The following CEP290 variants were observed in gnomAD, a reference collection of about 807,000 sequenced individuals.
CEP290 encodes the protein centrosomal protein 290.
A neutral mutation model predicts 344.9 loss-of-function variants in CEP290; 317 were observed. That is an observed-to-expected ratio of 0.92 (90% CI 0.84 to 1.01). CEP290 has a LOEUF of 1.01. CEP290 is among the 50% of genes least tolerant of loss of function. The pLI, the probability that CEP290 is intolerant of heterozygous loss-of-function variation, is 0.00. For synonymous variants in CEP290, 932 were observed against 895.8 expected, an observed-to-expected ratio of 1.04 and a Z score of -0.72; for missense variants, 2,754 against 2,761.4, an observed-to-expected ratio of 1.00 and a Z score of 0.06.
chr12:88,112,771 C>T lies in CEP290; in HGVS notation c.2053-913G>A, dbSNP rs529217109. 2.0e-5 allele frequency among the ~76,000 whole-genome samples: 3 copies of T among 152,122 alleles called. No individual in the cohort carries two copies. In the East Asian group the frequency reaches 5.8e-4, roughly 29 times the overall value. ...AGCCTTCCCCTGAAGGAGATTAGAG[C>T]AGGTCATGCAGAGTAATAACTTATA... On this transcript the variant is annotated intron_variant, in intron 20 of 53. Coordinates refer to ENST00000552810, the MANE Select transcript of CEP290 (RefSeq NM_025114.4).
chr12:88,062,913 A>G (rs2136788310), intron 45 of CEP290, 135 bp from the exon 46 acceptor site: 1 of 589,144 alleles, frequency 1.7e-6, no homozygotes, highest in Middle Eastern at 4.1e-4. Context: ...CTATATTAAC[A>G]AGGAAGATTT....
intron 26 of CEP290, among the ~76,000 whole-genome samples, chr12:88,099,391 TA>T (rs1192246528): frequency 6.6e-6 from 1 of 152,188 alleles, no homozygotes; most frequent in Non-Finnish European, 1.5e-5. Flanking sequence ...GGTAATTCTG[TA>T]CAACAGAATA....
rs962511491 is a variant in CEP290 at position 88,061,478 on chromosome 12, T to C, written c.6358-484A>G. 1.4e-4 allele frequency among the ~76,000 whole-genome samples: 21 copies of C among 152,320 alleles called. 1 individual carries two copies. The highest frequency in any genetic ancestry group is 1.4e-3 in the Admixed American group (21 of 15,292). On this transcript the variant is annotated intron_variant, in intron 46 of 53. Coordinates refer to ENST00000552810, the MANE Select transcript of CEP290 (RefSeq NM_025114.4). Reference sequence around the variant, plus strand: ...CTGTTTAATATAAATAGAAGAGTTATCTGAAATAAAAAACCTTGCATAAAT... The same window carrying C: ...CTGTTTAATATAAATAGAAGAGTTACCTGAAATAAAAAACCTTGCATAAAT...
Position 88,125,305 on chromosome 12 carries a change from T to C in CEP290, c.1130A>G (p.Glu377Gly). The stretch of plus-strand genomic sequence containing the variant: ...AATAATACAAGTATTCTTTTCCATT[T>C]CTTTTGTATATTGTTCTACTTGTTC... ...LTEQVEQYTKEMEKNTCIIED... is the reference protein window; with the variant it reads ...LTEQVEQYTKGMEKNTCIIED... The change falls in exon 13 of 54, where the codon GAA becomes GGA. Residue 377 changes from glutamate (E) to glycine (G), a missense_variant. Physicochemically the swap from Glu to Gly is moderately conservative, Grantham distance 98. Transcript: ENST00000552810. 8.2e-7 allele frequency: 1 copy of C among 1,220,706 alleles called. No homozygotes were observed. Among genetic ancestry groups the C allele is most frequent in the Non-Finnish European group, 1.1e-6 (1 of 916,748 alleles). 75.6% of individuals were successfully genotyped at this position (1,220,706 alleles called of 1,614,324 possible). A position where few individuals can be genotyped will look rare whatever the true frequency, so the allele number is the denominator to read the frequency against.
intron 29 of CEP290, among the ~76,000 whole-genome samples, chr12:88,092,418 G>A (rs888798063): frequency 6.6e-6 from 1 of 151,992 alleles, no homozygotes; most frequent in Non-Finnish European, 1.5e-5. Flanking sequence ...ATATGTGGAG[G>A]AACTGGACCT....
rs1298349449 is a variant in CEP290, at chr12:88,086,625, T to C, written c.4195-127A>G. On this transcript the variant is annotated intron_variant, in intron 32 of 53. Coordinates refer to ENST00000552810, the MANE Select transcript of CEP290 (RefSeq NM_025114.4). The stretch of plus-strand genomic sequence containing the variant: ...AGAAACTGTAATTATTTTCCTTTTA[T>C]GGAAAAAAATACAAACTCAGAGAGG... The C allele has an allele frequency of 1.6e-5, 10 of 630,422 alleles. No individual in the cohort carries two copies. In the East Asian group the frequency reaches 3.0e-4, roughly 19 times the overall value. 39.1% of individuals were successfully genotyped at this position (630,422 alleles called of 1,614,324 possible).
At chr12:88,137,172 T>A (rs2040396968) in intron 5 of CEP290, among the ~76,000 whole-genome samples, 1 of 152,104 alleles carries the variant, frequency 6.6e-6, no homozygotes, top group Non-Finnish European at 1.5e-5. Flanking sequence ...GCCCTTTCTC[T>A]CATACCATGC....
At position 88,120,171 on chromosome 12, in the gene CEP290, G is replaced by T. The variant is rs1231028240; in HGVS notation, c.1465C>A (p.Leu489Ile). Residue 489 changes from leucine to isoleucine, a missense_variant, in exon 15 of 54, where the codon CTT becomes ATT. Leu to Ile is a conservative substitution (Grantham distance 5). Transcript: ENST00000552810. ...IEILTKEINK[L>I]ELKISDFLDE... ...AGGAAATCACTGATCTTCAATTCAA[G>T]TTTATTGATTTCCTTTGTTAATATT... is the stretch of plus-strand genomic sequence containing the variant. The T allele has an allele frequency of 3.9e-6, 6 of 1,534,936 alleles. No homozygotes were observed. The highest frequency in any genetic ancestry group is 5.3e-6 in the Non-Finnish European group (6 of 1,138,318).
At position 88,054,414 on chromosome 12, in the gene CEP290, C is replaced by A. The variant is rs2136637204; in HGVS notation, c.6961-1G>T. 1 of 1,606,326 alleles carries A rather than the reference C, an allele frequency of 6.2e-7. No individual in the cohort carries two copies. The highest frequency in any genetic ancestry group is 1.1e-5 in the South Asian group (1 of 90,038). ...CAGGAACATGTTTAAGAATCTTAAT[C>A]TTTGAGGACAATGAAAAGTTAGAAG... On this transcript the variant is annotated splice_acceptor_variant, in intron 50 of 53. Coordinates refer to ENST00000552810, the MANE Select transcript of CEP290 (RefSeq NM_025114.4). LOFTEE classifies it high-confidence loss of function.
Position 88,072,064 on chromosome 12 carries a change from T to C in CEP290, c.5710-138A>G, listed in dbSNP as rs1302955118. 6 of 833,252 alleles carry C rather than the reference T, an allele frequency of 7.2e-6. No homozygotes were observed. The East Asian group carries it at 1.2e-4, about 17-fold the overall frequency. The allele number at this position is 833,252 out of a possible 1,614,324, so 51.6% of individuals were successfully genotyped here. ...ATATGTAAATATGTTCATTTTGCTA[T>C]ACAGGTTGAGTATCCCTTACGAAAC... is the stretch of plus-strand genomic sequence containing the variant. On this transcript the variant is annotated intron_variant, in intron 41 of 53. Transcript: ENST00000552810.
At chr12:88,123,710 A>G (rs1351928799) in intron 13 of CEP290, among the ~76,000 whole-genome samples, 1 of 152,092 alleles carries the variant, frequency 6.6e-6, no homozygotes, top group Non-Finnish European at 1.5e-5. Context: ...TTACTTTTAC[A>G]GAGACAGTTA....
At chr12:88,091,508 C>T (rs2137317786) in intron 29 of CEP290, among the ~76,000 whole-genome samples, 1 of 151,598 alleles carries the variant, frequency 6.6e-6, no homozygotes, top group South Asian at 2.1e-4. Context: ...AGTTTCTTTG[C>T]TTTGGGTTAG....
chr12:88,084,784 G>A lies in CEP290; in HGVS notation c.4506C>T (p.Ile1502=), dbSNP rs1592837830. The A allele has an allele frequency of 3.1e-6, 5 of 1,612,964 alleles. No individual in the cohort carries two copies. Among genetic ancestry groups the A allele is most frequent in the Non-Finnish European group, 4.2e-6 (5 of 1,179,472 alleles). Residue 1502 remains isoleucine, a synonymous_variant, in exon 35 of 54, where the codon ATC becomes ATT. Coordinates refer to ENST00000552810, the MANE Select transcript of CEP290 (RefSeq NM_025114.4). ...EQNILSRDKV[I]NELRLRLPAT... ...CAGGCAATCGAAGCCTCAGTTCATT[G>A]ATTACTTTGTCTCTTGACAGTATAT...
chr12:88,127,188 C>T (rs1374568087), intron 11 of CEP290, among the ~76,000 whole-genome samples: 2 of 34,202 alleles, frequency 5.8e-5, no homozygotes, highest in East Asian at 1.4e-3. Context: ...TTATATGTTT[C>T]GAAGATTTAA....
At position 88,089,237 on chromosome 12, in the gene CEP290, C is replaced by A. The variant is rs1182033105; in HGVS notation, c.3824G>T (p.Ser1275Ile). The change falls in exon 31 of 54, where the codon AGT (serine) becomes ATT (isoleucine). Residue 1275 changes from serine (S) to isoleucine (I), a missense_variant. Physicochemically the swap from Ser to Ile is moderately radical, Grantham distance 142 (BLOSUM62 -2). Transcript: ENST00000552810. Reference sequence around the variant, plus strand: ...CTGTTGTGCCAAGGGTAAAGCTCCACTAAACTGTCGTCGTAGAGACTGAAT... The same window carrying A: ...CTGTTGTGCCAAGGGTAAAGCTCCAATAAACTGTCGTCGTAGAGACTGAAT... ...QTIQSLRRQF[S>I]GALPLAQQEK... 1 of 1,613,886 alleles carries A rather than the reference C, an allele frequency of 6.2e-7. No homozygotes were observed.
At chr12:88,132,510 A>G (rs992798949) in intron 6 of CEP290, among the ~76,000 whole-genome samples, 6 of 152,206 alleles carry the variant, frequency 3.9e-5, no homozygotes, top group African/African-American at 1.2e-4. Flanking sequence ...GTAGGAGAAC[A>G]TCTTTCTTTT....
Position 88,080,283 on chromosome 12 carries a change from G to T in CEP290, c.5125C>A (p.Gln1709Lys), listed in dbSNP as rs367580207. ...CTTGAATTTGCTTCTTTTTGAGCCT[G>T]AAGTTCAGATTTTAAACACTGTGAC... ...KESQCLKSELQAQKEANSRAP... is the reference protein window; with the variant it reads ...KESQCLKSELKAQKEANSRAP... The change falls in exon 38 of 54, where the codon CAG becomes AAG. Residue 1709 changes from glutamine (Q) to lysine (K), a missense_variant. Gln to Lys is a moderately conservative substitution (Grantham distance 53). Transcript: ENST00000552810. The T allele has an allele frequency of 3.2e-5, 52 of 1,613,476 alleles. No individual in the cohort carries two copies. The African/African-American group carries it at 5.1e-4, about 16-fold the overall frequency.
At chr12:88,094,932 T>C (rs764563984) in intron 27 of CEP290, among the ~76,000 whole-genome samples, 1 of 152,000 alleles carries the variant, frequency 6.6e-6, no homozygotes, top group African/African-American at 2.4e-5. Context: ...GAAAAAAAAA[T>C]TGGTCTCTAT....
chr12:88,126,884 C>A (rs1282823865), intron 11 of CEP290, among the ~76,000 whole-genome samples: 1 of 152,008 alleles, frequency 6.6e-6, no homozygotes, highest in Non-Finnish European at 1.5e-5. Context: ...TATCCTAAAT[C>A]AATCTATAAA....
Sources: allele counts gnomAD v4.1 joint callset (sites outside exome capture counted in the v4.1 genomes callset), GRCh38; gene constraint gnomAD v4.1.1; transcripts MANE v1.5; gene names NCBI Gene and HGNC (gene_info 2026-07-23, HGNC 2026-07-21).